Variants in MILR1 observed in about 807,000 individuals in gnomAD.
The protein encoded by MILR1 is mast cell immunoglobulin like receptor 1.
A neutral mutation model predicts 18.5 loss-of-function variants in MILR1; 31 were observed. That is an observed-to-expected ratio of 1.68 (90% confidence interval 1.26 to 2.26). MILR1 has a LOEUF of 2.26. Ranked by LOEUF, MILR1 falls within the 30% of genes most tolerant of loss-of-function variation. The pLI is 0.00. For missense variants in MILR1, 257 were observed against 157.4 expected, an observed-to-expected ratio of 1.63 and a Z score of -3.38; for synonymous variants, 85 against 56.2, an observed-to-expected ratio of 1.51 and a Z score of -2.30.
At chr17:64,484,295 G>C in the MILR1 span, 9 of 152,384 alleles carry the variant, frequency 5.9e-5, no homozygotes, top group African/African-American at 2.2e-4. Flanking sequence ...GAAAGAAGGT[G>C]GGGGGACGAG....
chr17:64,467,935 CAAAAAAAA>C (rs112297771), intron 9 of MILR1: 26 of 159,052 alleles, frequency 1.6e-4, no homozygotes, highest in African/African-American at 7.4e-4. Flanking sequence ...GACTTCATCT[CAAAAAAAA>C]AAAAAAAAAA....
intron 3 of MILR1, among the ~76,000 whole-genome samples, chr17:64,453,536 CTTTTTT>C (rs35572128): frequency 6.0e-4 from 61 of 101,028 alleles, no homozygotes; most frequent in African/African-American, 1.5e-3. Flanking sequence ...GCAAAAATCG[CTTTTTT>C]TTTTTTTTTT....
intron 5 of MILR1, among the ~76,000 whole-genome samples, chr17:64,464,752 G>A (rs1219169001): frequency 1.3e-5 from 2 of 152,096 alleles, no homozygotes; most frequent in African/African-American, 2.4e-5. Context: ...GTGAAGCCCC[G>A]CCTCTACTAA....
chr17:64,475,433 G>C, the MILR1 span, among the ~76,000 whole-genome samples: 1 of 151,836 alleles, frequency 6.6e-6, no homozygotes, highest in Non-Finnish European at 1.5e-5. Flanking sequence ...CGGATCACCT[G>C]AGGTCGGGAG....
Position 64,468,445 on chromosome 17 carries a change from C to A in MILR1, c.*164C>A, listed in dbSNP as rs1432723840. 1.6e-5 allele frequency: 6 copies of A among 373,968 alleles called. No individual in the cohort carries two copies. Among genetic ancestry groups the A allele is most frequent in the Admixed American group, 1.1e-4 (3 of 28,328 alleles). The allele number at this position is 373,968 out of a possible 1,614,324, so 23.2% of individuals were successfully genotyped here. A position where few individuals can be genotyped will look rare whatever the true frequency, so the allele number is the denominator to read the frequency against. On this transcript the variant is annotated 3_prime_UTR_variant, in exon 10 of 10. Transcript: ENST00000619286. ...CTGGGATTACAGGTGCCCGCTACCACGCCCAGCTAATTTTTGTATTTTTAG... is the reference window on the plus strand; with the variant it reads ...CTGGGATTACAGGTGCCCGCTACCAAGCCCAGCTAATTTTTGTATTTTTAG...
At chr17:64,486,675 C>T in the MILR1 span, among the ~76,000 whole-genome samples, 2 of 152,028 alleles carry the variant, frequency 1.3e-5, no homozygotes, top group Non-Finnish European at 2.9e-5. Context: ...CGAAAGGTAA[C>T]ACTTTTAAGT....
chr17:64,464,521 T>A (rs2037505626), intron 5 of MILR1, among the ~76,000 whole-genome samples: 1 of 152,138 alleles, frequency 6.6e-6, no homozygotes, highest in South Asian at 2.1e-4. Context: ...ATTACAGGCG[T>A]GAGCCACTGC....
the MILR1 span, chr17:64,496,281 A>G: frequency 1.5e-6 from 1 of 674,164 alleles, no homozygotes; most frequent in Non-Finnish European, 2.6e-6. Flanking sequence ...ACTACTTCAA[A>G]AAGATGAGAA....
chr17:64,483,672 CT>C, the MILR1 span, among the ~76,000 whole-genome samples: 1 of 150,390 alleles, frequency 6.6e-6, no homozygotes, highest in African/African-American at 2.4e-5. Flanking sequence ...CTGTTCTTCT[CT>C]TTTTATATAT....
intron 3 of MILR1, among the ~76,000 whole-genome samples, chr17:64,456,034 C>A (rs1463512285): frequency 1.3e-5 from 2 of 151,942 alleles, no homozygotes; most frequent in Admixed American, 6.6e-5. Context: ...GAGTGAGACT[C>A]CGTCTCAAAA....
downstream of MILR1, among the ~76,000 whole-genome samples, chr17:64,471,753 A>ACGG (rs2037689768): frequency 6.6e-6 from 1 of 152,198 alleles, no homozygotes; most frequent in Non-Finnish European, 1.5e-5. Flanking sequence ...GGAGTTCAAG[A>ACGG]CTAGCCTGGG....
chr17:64,492,136 A>G, the MILR1 span, among the ~76,000 whole-genome samples: 29 of 152,342 alleles, frequency 1.9e-4, no homozygotes, highest in East Asian at 5.4e-3. Flanking sequence ...AGTATCACAT[A>G]GTCCTCATTC....
intron 3 of MILR1, among the ~76,000 whole-genome samples, chr17:64,453,888 C>A (rs1300909639): frequency 6.6e-6 from 1 of 151,940 alleles, no homozygotes; most frequent in African/African-American, 2.4e-5. Flanking sequence ...CTATCCAGTA[C>A]GGTACTGTTT....
intron 8 of MILR1, among the ~76,000 whole-genome samples, chr17:64,467,272 ATT>A (rs35879907): frequency 9.3e-4 from 132 of 141,602 alleles, no homozygotes; most frequent in Admixed American, 1.1e-3. Context: ...TGTCTGACTA[ATT>A]TTTTTTTTTT....
the MILR1 span, among the ~76,000 whole-genome samples, chr17:64,478,259 G>C: frequency 6.6e-6 from 1 of 151,830 alleles, no homozygotes; most frequent in Admixed American, 6.6e-5. Context: ...CATCATTTGG[G>C]GTGATATCAC....
the MILR1 span, among the ~76,000 whole-genome samples, chr17:64,482,167 G>C: frequency 7.8e-6 from 1 of 127,866 alleles, no homozygotes; most frequent in South Asian, 2.7e-4. Flanking sequence ...GCAGTGCTGC[G>C]ATCTCGGCTC....
At chr17:64,493,132 T>C in the MILR1 span, 26 of 1,239,082 alleles carry the variant, frequency 2.1e-5, no homozygotes, top group Non-Finnish European at 3.1e-5. Context: ...TAAAGACAGA[T>C]GTTGGCTAAG....
At chr17:64,483,156 A>C in the MILR1 span, among the ~76,000 whole-genome samples, 36,641 of 152,128 alleles carry the variant, frequency 0.24, 5,540 homozygotes, top group South Asian at 0.47. Flanking sequence ...TGAGGTCATA[A>C]AAACACCATG....
the MILR1 span, among the ~76,000 whole-genome samples, chr17:64,495,452 T>C: frequency 1.3e-5 from 2 of 151,982 alleles, no homozygotes; most frequent in East Asian, 3.9e-4. Flanking sequence ...TGGTGGCATG[T>C]GCCTGTAGTC....
Sources: gnomAD v4.1 joint callset for allele counts (sites outside exome capture counted in the v4.1 genomes callset) on GRCh38, gnomAD v4.1.1 for gene constraint, MANE v1.5 for transcripts, NCBI Gene and HGNC (gene_info 2026-07-23, HGNC 2026-07-21) for gene names.